RFX2: variants seen among roughly 807,000 people sequenced by gnomAD.
RFX2 encodes regulatory factor X2.
A neutral mutation model predicts 87.8 loss-of-function variants in RFX2; 20 were observed. That is an observed-to-expected ratio of 0.23 (90% CI 0.16 to 0.33). The LOEUF (loss-of-function observed/expected upper bound fraction) is 0.33. RFX2 is among the 10% of genes least tolerant of loss of function. The pLI, the probability that RFX2 is intolerant of heterozygous loss-of-function variation, is 1.00. For missense variants in RFX2, 767 were observed against 1,012.3 expected, an observed-to-expected ratio of 0.76 and a Z score of 3.29; for synonymous variants, 397 against 431.3, an observed-to-expected ratio of 0.92 and a Z score of 0.98.
chr19:6,001,090 G>C lies in RFX2; in HGVS notation c.1859+725C>G, dbSNP rs758031489. 2.0e-5 allele frequency among the ~76,000 whole-genome samples: 3 copies of C among 152,186 alleles called. No individual in the cohort carries two copies. The highest frequency in any genetic ancestry group is 7.2e-5 in the African/African-American group (3 of 41,448). On this transcript the variant is annotated intron_variant, in intron 15 of 17. Transcript: ENST00000303657. The surrounding 1 kb of genome is among the most constrained non-coding windows in gnomAD (Gnocchi z 5.6). ...AGCTTGGAAATGATTTCCCTTCAGA[G>C]CTCTCAGGACATCGCTCTACTGCCT...
intron 1 of RFX2, among the ~76,000 whole-genome samples, chr19:6,088,037 G>A (rs2087879182): frequency 6.6e-6 from 1 of 152,040 alleles, no homozygotes; most frequent in South Asian, 2.1e-4. Flanking sequence ...AGTCCTCAAG[G>A]GACAGTCACC....
At chr19:6,095,430 G>A (rs2088007252) in intron 1 of RFX2, among the ~76,000 whole-genome samples, 1 of 152,160 alleles carries the variant, frequency 6.6e-6, no homozygotes. Context: ...GGTTTTGCAT[G>A]GATGGGGTGA....
Position 6,023,192 on chromosome 19 carries a change from G to C in RFX2, c.597+2971C>G, listed in dbSNP as rs1226448662. On this transcript the variant is annotated intron_variant, in intron 6 of 17. Coordinates refer to ENST00000303657, the MANE Select transcript of RFX2 (RefSeq NM_000635.4). The surrounding 1 kb of genome is among the most constrained non-coding windows in gnomAD (Gnocchi z 4.9). ...GCCCTGCTGCTGGGGCGACCTGCCT[G>C]GGGCTGTCTGAGAAGGGAGGTCTGG... 1.3e-5 allele frequency: 2 copies of C among 152,644 alleles called. No individual in the cohort carries two copies. Among genetic ancestry groups the C allele is most frequent in the African/African-American group, 4.8e-5 (2 of 41,458 alleles). 9.5% of individuals were successfully genotyped at this position (152,644 alleles called of 1,614,324 possible).
At chr19:6,058,134 T>C (rs1258075602) in intron 1 of RFX2, among the ~76,000 whole-genome samples, 1 of 152,178 alleles carries the variant, frequency 6.6e-6, no homozygotes, top group Non-Finnish European at 1.5e-5. Flanking sequence ...ACAGTGTGTG[T>C]CCCCACTTGG....
chr19:6,011,396 T>C lies in RFX2; in HGVS notation c.900-1145A>G, dbSNP rs1219519805. ...TCTCCAGCGGACCTCCCTCCTCAAA[T>C]ACGAAGCGGGGCCAGGCCTACAGGG... On this transcript the variant is annotated intron_variant, in intron 8 of 17. Transcript: ENST00000303657. The surrounding 1 kb of genome is among the most constrained non-coding windows in gnomAD (Gnocchi z 4.8). 1.3e-5 allele frequency among the ~76,000 whole-genome samples: 2 copies of C among 152,034 alleles called. No individual in the cohort carries two copies. Among genetic ancestry groups the C allele is most frequent in the African/African-American group, 4.8e-5 (2 of 41,392 alleles).
At chr19:5,996,677 C>T (rs549401436) in intron 16 of RFX2, among the ~76,000 whole-genome samples, 85 of 152,356 alleles carry the variant, frequency 5.6e-4, no homozygotes, top group African/African-American at 1.7e-3. Flanking sequence ...TGCGCTTTCA[C>T]GTGGAAATCT....
chr19:6,042,948 G>GGGTGTCAT (rs949651247), intron 3 of RFX2, among the ~76,000 whole-genome samples: 1 of 152,194 alleles, frequency 6.6e-6, no homozygotes, highest in African/African-American at 2.4e-5. Context: ...GGGCTTGTTC[G>GGGTGTCAT]GGTGTCATGG....
At chr19:6,084,545 C>T (rs1216433936) in intron 1 of RFX2, among the ~76,000 whole-genome samples, 1 of 152,188 alleles carries the variant, frequency 6.6e-6, no homozygotes, top group Non-Finnish European at 1.5e-5. Context: ...CCCCTGGCAC[C>T]CACCATTCTA....
At chr19:6,048,611 G>A (rs1247764570) in intron 1 of RFX2, among the ~76,000 whole-genome samples, 1 of 152,172 alleles carries the variant, frequency 6.6e-6, no homozygotes, top group African/African-American at 2.4e-5. Flanking sequence ...CTGAACCTCA[G>A]ACATACATCG....
chr19:6,000,925 T>A (rs913099465), intron 15 of RFX2, among the ~76,000 whole-genome samples: 18 of 152,220 alleles, frequency 1.2e-4, no homozygotes, highest in African/African-American at 2.4e-4. Flanking sequence ...GCTCTTTTTT[T>A]AAAAATGCAC....
At chr19:5,995,527 G>A (rs2086394505) in intron 17 of RFX2, 74 bp downstream of exon 17, 1 of 1,413,544 alleles carries the variant, frequency 7.1e-7, no homozygotes, top group Non-Finnish European at 9.8e-7. Flanking sequence ...ATCATGAGAT[G>A]GGGCAGACAG....
rs1385750818 is a variant in RFX2, at chr19:6,045,977, A to G, written c.90+1430T>C. Reference sequence around the variant, plus strand: ...GCTGGGATTACAGGCATGTGCCACCATGCCTGGCCCTGAATTGTGTGTTTT... The same window carrying G: ...GCTGGGATTACAGGCATGTGCCACCGTGCCTGGCCCTGAATTGTGTGTTTT... On this transcript the variant is annotated intron_variant, in intron 2 of 17. Coordinates refer to ENST00000303657, the MANE Select transcript of RFX2 (RefSeq NM_000635.4). This position sits in a 1 kb window ranked among gnomAD's most constrained non-coding sequence, Gnocchi z 5.2. 6.6e-6 allele frequency among the ~76,000 whole-genome samples: 1 copy of G among 152,030 alleles called. No individual in the cohort carries two copies. Among genetic ancestry groups the G allele is most frequent in the African/African-American group, 2.4e-5 (1 of 41,388 alleles).
At position 6,010,183 on chromosome 19, in the gene RFX2, G is replaced by C. The variant is rs139113134; in HGVS notation, c.968C>G (p.Pro323Arg). 9.0e-6 allele frequency: 14 copies of C among 1,548,870 alleles called. No individual in the cohort carries two copies. The highest frequency in any genetic ancestry group is 1.2e-5 in the Non-Finnish European group (14 of 1,146,946). ...SGSHSGLHST[P>R]EQTMAVQSQH... ...GCTCTGCACGGCCATGGTCTGTTCCGGAGTGCTGTGCAGGCCGCTGTGGGA... is the reference window on the plus strand; with the variant it reads ...GCTCTGCACGGCCATGGTCTGTTCCCGAGTGCTGTGCAGGCCGCTGTGGGA... Residue 323 changes from proline (P) to arginine (R), a missense_variant, in exon 9 of 18, where the codon CCG becomes CGG. By Grantham distance (103) the Pro-to-Arg change is moderately radical (BLOSUM62 -2). Around this residue, in one of 2 missense-constraint regions of RFX2, gnomAD observed 621 missense variants for 873.0 expected, o/e 0.71. Transcript: ENST00000303657. The surrounding 1 kb of genome is among the most constrained non-coding windows in gnomAD (Gnocchi z 5.0).
At chr19:6,018,519 G>A (rs185562941) in intron 6 of RFX2, among the ~76,000 whole-genome samples, 76 of 152,312 alleles carry the variant, frequency 5.0e-4, no homozygotes, top group African/African-American at 1.8e-3. Flanking sequence ...GCCTGAACGC[G>A]GAGGTCTCTT....
intron 1 of RFX2, among the ~76,000 whole-genome samples, chr19:6,062,262 A>G (rs1171879246): frequency 1.3e-5 from 2 of 152,254 alleles, no homozygotes; most frequent in Non-Finnish European, 2.9e-5. Flanking sequence ...CAGCAGCGGC[A>G]GTAGCTGGTG....
chr19:5,994,750 A>C lies in RFX2; in HGVS notation c.*85T>G. 1.2e-6 allele frequency: 1 copy of C among 848,582 alleles called. No individual in the cohort carries two copies. Among genetic ancestry groups the C allele is most frequent in the Non-Finnish European group, 1.9e-6 (1 of 522,374 alleles). 52.6% of individuals were successfully genotyped at this position (848,582 alleles called of 1,614,324 possible). On this transcript the variant is annotated 3_prime_UTR_variant, in exon 18 of 18. Transcript: ENST00000303657. ...AACATCACATCATCTAAGAGGCACT[A>C]ATTTGGTGGAGCCGGTGAAATCCAG...
chr19:6,109,681 G>GT lies in RFX2; in HGVS notation c.-9+711dup, dbSNP rs762000628. On this transcript the variant is annotated intron_variant, in intron 1 of 17. Coordinates refer to ENST00000303657, the MANE Select transcript of RFX2 (RefSeq NM_000635.4). ...CTCTGGGGTCACCCCAATTTCGGAGGTTTGGGGAGTAAAGTAAGAAGAGGG... is the reference window on the plus strand; with the variant it reads ...CTCTGGGGTCACCCCAATTTCGGAGGTTTTGGGGAGTAAAGTAAGAAGAGGG... Among the ~76,000 whole-genome samples, 117 of 152,268 alleles carry GT rather than the reference G, an allele frequency of 7.7e-4. 1 individual carries two copies. The highest frequency in any genetic ancestry group is 3.4e-3 in the Middle Eastern group (1 of 294).
At position 6,059,738 on chromosome 19, in the gene RFX2, A is replaced by C. The variant is rs2087400808; in HGVS notation, c.-8-12234T>G. 2.6e-5 allele frequency among the ~76,000 whole-genome samples: 4 copies of C among 152,058 alleles called. No individual in the cohort carries two copies. The South Asian group carries it at 8.3e-4, about 32-fold the overall frequency. ...ATACATGGACATACACATATACACA[A>C]ACACACACACACAAACACATGTACA... On this transcript the variant is annotated intron_variant, in intron 1 of 17. Transcript: ENST00000303657.
chr19:6,040,379 A>C lies in RFX2; in HGVS notation c.261-138T>G, dbSNP rs1043322628. The C allele has an allele frequency of 7.2e-6, 6 of 829,658 alleles. No homozygotes were observed. Among genetic ancestry groups the C allele is most frequent in the Non-Finnish European group, 1.1e-5 (6 of 563,608 alleles). The allele number at this position is 829,658 out of a possible 1,614,324, so 51.4% of individuals were successfully genotyped here. ...ACATATGGAGCAATTCGGACGTGGC[A>C]TATGACACTCAAATGCAGCGCAAGT... On this transcript the variant is annotated intron_variant, in intron 4 of 17. Transcript: ENST00000303657. The surrounding 1 kb of genome is among the most constrained non-coding windows in gnomAD (Gnocchi z 6.1).
Sources: allele counts gnomAD v4.1 joint callset (sites outside exome capture counted in the v4.1 genomes callset), GRCh38; gene constraint gnomAD v4.1.1; regional missense constraint gnomAD v4.1.1; non-coding constraint Gnocchi (gnomAD v3.1); transcripts MANE v1.5; gene names NCBI Gene and HGNC (gene_info 2026-07-23, HGNC 2026-07-21).